Variants in ARID4A observed in about 807,000 individuals in gnomAD.
The protein encoded by ARID4A is AT-rich interactive domain-containing protein 4A.
In ARID4A, 39 loss-of-function variants were observed where a neutral mutation model predicts 148.6. The observed-to-expected ratio is 0.26, with a 90% CI of 0.20 to 0.34. ARID4A has a LOEUF of 0.34. Among genes scored for constraint, ARID4A ranks in the 10% least tolerant of loss-of-function variants. The pLI, the probability that ARID4A is intolerant of heterozygous loss-of-function variation, is 1.00. For synonymous variants in ARID4A, 475 were observed against 481.2 expected (o/e 0.99, Z 0.17); for missense variants, 1,265 against 1,449.1 (o/e 0.87, Z 2.06).
intron 21 of ARID4A, 62 bp from the exon 22 acceptor site, chr14:58,365,962 T>C: frequency 7.4e-7 from 1 of 1,346,004 alleles, no homozygotes; most frequent in Non-Finnish European, 1.0e-6. Context: ...GTTAGGTCTG[T>C]TGCATTTTGA....
intron 5 of ARID4A, among the ~76,000 whole-genome samples, chr14:58,317,062 G>C (rs1376817837): frequency 1.3e-5 from 2 of 149,542 alleles, no homozygotes; most frequent in African/African-American, 4.9e-5. Context: ...GCGTGGTGAC[G>C]TGTGCCTGTA....
At position 58,347,760 on chromosome 14, in the gene ARID4A, A is replaced by G. The variant is rs753651951; in HGVS notation, c.1286A>G (p.Glu429Gly). 6.2e-7 allele frequency: 1 copy of G among 1,613,746 alleles called. No homozygotes were observed. The highest frequency in any genetic ancestry group is 2.2e-5 in the East Asian group (1 of 44,834). ...EEKKDLEESM[E>G]EALKLDQEMP... ...AAAAAAGACTTAGAAGAATCAATGG[A>G]AGAGGCTCTCAAATTAGATCAAGAA... The change falls in exon 15 of 24, where the codon GAA (glutamate) becomes GGA (glycine). Residue 429 changes from glutamate to glycine, a missense_variant. Coordinates refer to ENST00000355431, the MANE Select transcript of ARID4A (RefSeq NM_002892.4).
chr14:58,300,826 A>C (rs1268962357), intron 2 of ARID4A, among the ~76,000 whole-genome samples: 1 of 152,068 alleles, frequency 6.6e-6, no homozygotes, highest in Non-Finnish European at 1.5e-5. Flanking sequence ...AAAAAGGTAA[A>C]ATGACAGATT....
chr14:58,346,668 C>T (rs2140232129), intron 13 of ARID4A, among the ~76,000 whole-genome samples, 163 bp downstream of exon 13: 1 of 151,920 alleles, frequency 6.6e-6, no homozygotes, highest in Non-Finnish European at 1.5e-5. Context: ...TGGCTCACGC[C>T]TGTAATCCCA....
intron 15 of ARID4A, among the ~76,000 whole-genome samples, chr14:58,348,215 C>G (rs2034466117): frequency 6.6e-6 from 1 of 152,140 alleles, no homozygotes; most frequent in African/African-American, 2.4e-5. Flanking sequence ...CTTTGGAACT[C>G]TCAGTCCCTC....
At chr14:58,319,161 G>A (rs1387786118) in intron 7 of ARID4A, among the ~76,000 whole-genome samples, 1 of 152,118 alleles carries the variant, frequency 6.6e-6, no homozygotes, top group Non-Finnish European at 1.5e-5. Flanking sequence ...CTGGGTTCAA[G>A]CAATTCTCCT....
intron 19 of ARID4A, among the ~76,000 whole-genome samples, chr14:58,362,174 C>G (rs2035161144): frequency 6.6e-6 from 1 of 152,120 alleles, no homozygotes; most frequent in Non-Finnish European, 1.5e-5. Context: ...CCATGTGGTT[C>G]TAAGAGAACA....
Position 58,329,495 on chromosome 14 carries a change from A to G in ARID4A, c.663-33A>G, listed in dbSNP as rs778923263. 12 of 1,391,502 alleles carry G rather than the reference A, an allele frequency of 8.6e-6. No homozygotes were observed. In the South Asian group the frequency reaches 1.4e-4, roughly 16 times the overall value. 86.2% of individuals were successfully genotyped at this position (1,391,502 alleles called of 1,614,324 possible). A position where few individuals can be genotyped will look rare whatever the true frequency, so the allele number is the denominator to read the frequency against. Reference sequence around the variant, plus strand: ...TTTAAGTGATAATTTTTATTGAATAAATTGTTTTCCTCCCCTTCTTCTTGA... The same window carrying G: ...TTTAAGTGATAATTTTTATTGAATAGATTGTTTTCCTCCCCTTCTTCTTGA... On this transcript the variant is annotated intron_variant, in intron 9 of 23. Coordinates refer to ENST00000355431, the MANE Select transcript of ARID4A (RefSeq NM_002892.4).
chr14:58,303,083 C>T (rs934947883), intron 3 of ARID4A, among the ~76,000 whole-genome samples: 6 of 151,734 alleles, frequency 4.0e-5, no homozygotes, highest in East Asian at 1.9e-4. Flanking sequence ...TACTTAGATA[C>T]CTCCTATGCT....
intron 11 of ARID4A, among the ~76,000 whole-genome samples, chr14:58,341,695 A>C (rs2034125558): frequency 6.6e-6 from 1 of 152,220 alleles, no homozygotes; most frequent in Non-Finnish European, 1.5e-5. Context: ...CATGTGCCTA[A>C]AGTCAAAAAA....
chr14:58,317,932 G>A (rs2032577446), intron 5 of ARID4A, among the ~76,000 whole-genome samples: 1 of 151,342 alleles, frequency 6.6e-6, no homozygotes, highest in South Asian at 2.1e-4. Flanking sequence ...CCAGGAGTTT[G>A]AGACCAACCT....
In ARID4A at chr14:58,372,082, G is replaced by A; in HGVS notation, c.*93G>A. 4 of 862,524 alleles carry A rather than the reference G, an allele frequency of 4.6e-6. No homozygotes were observed. The highest frequency in any genetic ancestry group is 7.7e-6 in the Non-Finnish European group (4 of 521,624). The allele number at this position is 862,524 out of a possible 1,614,324, so 53.4% of individuals were successfully genotyped here. A position where few individuals can be genotyped will look rare whatever the true frequency, so the allele number is the denominator to read the frequency against. ...ACCACAGAAAGCACTCAACTGGTTTGACATTGCTAAGTATATCCTGTATAC... is the reference window on the plus strand; with the variant it reads ...ACCACAGAAAGCACTCAACTGGTTTAACATTGCTAAGTATATCCTGTATAC... On this transcript the variant is annotated 3_prime_UTR_variant, in exon 24 of 24. Coordinates refer to ENST00000355431, the MANE Select transcript of ARID4A (RefSeq NM_002892.4).
At position 58,299,995 on chromosome 14, in the gene ARID4A, T is replaced by C. The variant is rs965428473; in HGVS notation, c.6+135T>C. The C allele has an allele frequency of 7.3e-6, 9 of 1,237,782 alleles. No individual in the cohort carries two copies. In the African/African-American group the frequency reaches 1.2e-4, roughly 16 times the overall value. 76.7% of individuals were successfully genotyped at this position (1,237,782 alleles called of 1,614,324 possible). On this transcript the variant is annotated intron_variant, in intron 2 of 23. Coordinates refer to ENST00000355431, the MANE Select transcript of ARID4A (RefSeq NM_002892.4). Reference sequence around the variant, plus strand: ...GATCAGCAGTTTCGGCATAGGAGGATGTGTTGAATGGGTGAAAAATGATCT... The same window carrying C: ...GATCAGCAGTTTCGGCATAGGAGGACGTGTTGAATGGGTGAAAAATGATCT...
At position 58,347,082 on chromosome 14, in the gene ARID4A, A is replaced by G; in HGVS notation, c.1137A>G (p.Ser379=). ...ACCTTGGCATTCCTATTTTGAATTCAGCTGCTTCCTACAATGTAAAAACTG... is the reference window on the plus strand; with the variant it reads ...ACCTTGGCATTCCTATTTTGAATTCGGCTGCTTCCTACAATGTAAAAACTG... ...YMDLGIPILN[S]AASYNVKTAY... is the part of the protein sequence containing the mutation. The change falls in exon 14 of 24, where the codon TCA becomes TCG. Residue 379 remains serine (S), a synonymous_variant. Transcript: ENST00000355431. 1.3e-6 allele frequency: 2 copies of G among 1,586,270 alleles called. No homozygotes were observed. The highest frequency in any genetic ancestry group is 1.7e-6 in the Non-Finnish European group (2 of 1,166,290).
chr14:58,346,143 A>G (rs1356848388), intron 12 of ARID4A, among the ~76,000 whole-genome samples: 2 of 151,210 alleles, frequency 1.3e-5, no homozygotes, highest in African/African-American at 4.9e-5. Flanking sequence ...TATTAGTATA[A>G]CACCTAAAAT....
intron 11 of ARID4A, among the ~76,000 whole-genome samples, chr14:58,334,380 T>C (rs2033690795): frequency 6.6e-6 from 1 of 152,226 alleles, no homozygotes. Context: ...AGGCAGGCTG[T>C]TGTTAAAACT....
At chr14:58,323,729 T>C in intron 8 of ARID4A, 112 bp downstream of exon 8, 1 of 914,036 alleles carries the variant, frequency 1.1e-6, no homozygotes, top group Middle Eastern at 2.4e-4. Context: ...TTGGACTTTA[T>C]TGGAGATTTT....
At chr14:58,307,853 C>T (rs948182638) in intron 5 of ARID4A, among the ~76,000 whole-genome samples, 5 of 152,160 alleles carry the variant, frequency 3.3e-5, no homozygotes, top group African/African-American at 1.2e-4. Context: ...AATGTTAACT[C>T]TTAGAGATTA....
rs772076653 is a variant in ARID4A, at chr14:58,364,470, G to A, written c.2381G>A (p.Gly794Glu). The part of the protein sequence containing the change: ...KEAEKSPKGK[G>E]RRSKTKDLSL... ...GCCGAAAAATCTCCAAAAGGAAAGG[G>A]AAGACGAAGCAAGACAAAAGATCTT... Residue 794 changes from glycine (G) to glutamate (E), a missense_variant, in exon 20 of 24, where the codon GGA becomes GAA. Transcript: ENST00000355431. The A allele has an allele frequency of 6.2e-7, 1 of 1,613,094 alleles. No homozygotes were observed. The highest frequency in any genetic ancestry group is 8.5e-7 in the Non-Finnish European group (1 of 1,179,820).
Sources: allele counts gnomAD v4.1 joint callset (sites outside exome capture counted in the v4.1 genomes callset), GRCh38; gene constraint gnomAD v4.1.1; transcripts MANE v1.5; gene names NCBI Gene and HGNC (gene_info 2026-07-23, HGNC 2026-07-21).